Variants in SPECC1 observed in about 807,000 individuals in gnomAD.
SPECC1 encodes the protein sperm antigen with calponin homology and coiled-coil domains 1.
SPECC1 carries 62 observed loss-of-function variants against 104.1 expected under a neutral mutation model. That is an observed-to-expected ratio of 0.60 (90% CI 0.49 to 0.74). The LOEUF (loss-of-function observed/expected upper bound fraction) is 0.74. SPECC1 is among the 30% of genes least tolerant of loss of function. The probability of loss-of-function intolerance (pLI) is 0.00; values close to 1 mark genes in which losing one functional copy is unlikely to be tolerated. For synonymous variants in SPECC1, 513 were observed against 501.6 expected (o/e 1.02, Z -0.30); for missense variants, 1,306 against 1,310.5 (o/e 1.00, Z 0.05).
intron 14 of SPECC1, among the ~76,000 whole-genome samples, chr17:20,308,107 G>C (rs1358852844): frequency 1.3e-5 from 2 of 152,114 alleles, no homozygotes; most frequent in Non-Finnish European, 2.9e-5. Context: ...AACAATTCCA[G>C]CTGGGTGCAG....
At chr17:20,053,655 A>G (rs1001798403) in intron 1 of SPECC1, among the ~76,000 whole-genome samples, 2 of 152,198 alleles carry the variant, frequency 1.3e-5, no homozygotes, top group African/African-American at 4.8e-5. Flanking sequence ...TCACTTGGCA[A>G]TGAATTGAGA....
At chr17:20,295,566 C>G (rs2041322328) in intron 12 of SPECC1, among the ~76,000 whole-genome samples, 1 of 152,170 alleles carries the variant, frequency 6.6e-6, no homozygotes, top group Non-Finnish European at 1.5e-5. Flanking sequence ...AATGGTATTT[C>G]TAGTTCTAGA....
At chr17:20,174,143 C>T (rs909591798) in intron 3 of SPECC1, among the ~76,000 whole-genome samples, 1 of 152,022 alleles carries the variant, frequency 6.6e-6, no homozygotes, top group African/African-American at 2.4e-5. Context: ...GTTGGTCAGG[C>T]TGGTTTTGAA....
intron 3 of SPECC1, among the ~76,000 whole-genome samples, chr17:20,119,693 G>C (rs1254018087): frequency 6.6e-6 from 1 of 152,206 alleles, no homozygotes; most frequent in African/African-American, 2.4e-5. Flanking sequence ...GGTATGCAGT[G>C]CCTGTCTGTT....
rs2703798 is a variant in SPECC1 at position 20,177,358 on chromosome 17, A to G, written c.284-26975A>G. Among the ~76,000 whole-genome samples the G allele has an allele frequency of 5.3e-3, 807 of 152,316 alleles. 25 individuals are homozygous for G. Among genetic ancestry groups the G allele is most frequent in the Admixed American group, 0.051 (781 of 15,294 alleles). ...GAGTTGTTTTGGTGGCTTTTCAATT[A>G]TAAATTTTTGTCTGATTGTGTAAGT... On this transcript the variant is annotated intron_variant, in intron 3 of 14. Coordinates refer to ENST00000395527, the MANE Select transcript of SPECC1 (RefSeq NM_001243439.2).
chr17:20,055,468 A>T (rs778151141), intron 1 of SPECC1, among the ~76,000 whole-genome samples: 2 of 151,984 alleles, frequency 1.3e-5, no homozygotes, highest in African/African-American at 2.4e-5. Flanking sequence ...CTACATCCTC[A>T]CCAATACTTG....
chr17:20,247,127 G>A, intron 8 of SPECC1, 92 bp from the exon 9 acceptor site: 1 of 966,134 alleles, frequency 1.0e-6, no homozygotes, highest in Admixed American at 2.3e-5. Flanking sequence ...TACTCCTTAA[G>A]CCACCAAAAA....
chr17:20,070,751 A>T (rs2046519024), intron 1 of SPECC1, among the ~76,000 whole-genome samples: 1 of 152,140 alleles, frequency 6.6e-6, no homozygotes, highest in East Asian at 1.9e-4. Flanking sequence ...CTACAAATGG[A>T]ATAATGGAAC....
intron 12 of SPECC1, among the ~76,000 whole-genome samples, chr17:20,267,309 C>T (rs1234916809): frequency 6.6e-6 from 1 of 152,140 alleles, no homozygotes; most frequent in Non-Finnish European, 1.5e-5. Flanking sequence ...TAACTCCTAC[C>T]CCTCCCTTTC....
intron 12 of SPECC1, among the ~76,000 whole-genome samples, chr17:20,284,928 T>G (rs918507066): frequency 6.6e-6 from 1 of 152,176 alleles, no homozygotes; most frequent in Admixed American, 6.5e-5. Context: ...TTTTTGACTT[T>G]TGCAGTTAGT....
At chr17:20,188,221 G>A (rs913034826) in intron 3 of SPECC1, among the ~76,000 whole-genome samples, 11 of 151,746 alleles carry the variant, frequency 7.2e-5, no homozygotes, top group African/African-American at 1.2e-4. Flanking sequence ...CTGAAATAAC[G>A]TGATTTTGTA....
intron 11 of SPECC1, among the ~76,000 whole-genome samples, chr17:20,257,858 A>T (rs761076373): frequency 9.2e-5 from 14 of 152,206 alleles, no homozygotes; most frequent in Non-Finnish European, 1.8e-4. Context: ...TAGTTGGATC[A>T]AGAAGTCTAG....
chr17:20,216,021 G>T (rs1450242040), intron 4 of SPECC1, among the ~76,000 whole-genome samples: 2 of 152,156 alleles, frequency 1.3e-5, no homozygotes, highest in Non-Finnish European at 2.9e-5. Context: ...TCTCACAAGG[G>T]CTTGCTGCAT....
rs1597634739 is a variant in SPECC1 at position 20,062,540 on chromosome 17, CT to C, written c.-21-34084del. 2.0e-5 allele frequency among the ~76,000 whole-genome samples: 3 copies of C among 151,892 alleles called. No homozygotes were observed. The East Asian group carries it at 5.8e-4, about 29-fold the overall frequency. ...ACTGTGCCTGGCTAATTTTTAAAAA[CT>C]TTTTTTAGAGATGGGGCCTTGCTAT... On this transcript the variant is annotated intron_variant, in intron 1 of 14. Transcript: ENST00000395527.
intron 12 of SPECC1, among the ~76,000 whole-genome samples, chr17:20,278,843 G>A (rs2040663455): frequency 1.3e-5 from 2 of 152,042 alleles, no homozygotes; most frequent in Non-Finnish European, 2.9e-5. Flanking sequence ...ATAAATGTTA[G>A]ATGTTTTGCC....
chr17:20,255,036 G>A (rs1339230161), intron 10 of SPECC1, among the ~76,000 whole-genome samples: 1 of 152,158 alleles, frequency 6.6e-6, no homozygotes, highest in African/African-American at 2.4e-5. Flanking sequence ...CAGCGATTTT[G>A]GATGGCTGTG....
At chr17:20,113,007 A>G in intron 3 of SPECC1, 1 of 877,366 alleles carries the variant, frequency 1.1e-6, no homozygotes, top group Non-Finnish European at 2.0e-6. Context: ...TAGGGGCTGG[A>G]GGAACATGTA....
At chr17:20,211,977 T>G (rs1339147648) in intron 4 of SPECC1, among the ~76,000 whole-genome samples, 2 of 152,220 alleles carry the variant, frequency 1.3e-5, no homozygotes, top group African/African-American at 4.8e-5. Flanking sequence ...TCCGAGTTCT[T>G]GGGAAGTACC....
chr17:20,188,458 A>G lies in SPECC1; in HGVS notation c.284-15875A>G, dbSNP rs150068766. On this transcript the variant is annotated intron_variant, in intron 3 of 14. Coordinates refer to ENST00000395527, the MANE Select transcript of SPECC1 (RefSeq NM_001243439.2). ...TTTTTAGTAGAGACGGGGTTTCACC[A>G]TGTTGGCTAGGCTGATCTCGAATTC... is the stretch of plus-strand genomic sequence containing the variant. 8.9e-3 allele frequency among the ~76,000 whole-genome samples: 1,353 copies of G among 152,110 alleles called. 18 individuals carry two copies. The highest frequency in any genetic ancestry group is 0.031 in the African/African-American group (1,279 of 41,516).
Sources: allele counts gnomAD v4.1 joint callset (sites outside exome capture counted in the v4.1 genomes callset), GRCh38; gene constraint gnomAD v4.1.1; transcripts MANE v1.5; gene names NCBI Gene and HGNC (gene_info 2026-07-23, HGNC 2026-07-21).